FILIP1: variants seen among roughly 807,000 people sequenced by gnomAD.
The protein encoded by FILIP1 is filamin-A-interacting protein 1.
In FILIP1, 61 loss-of-function variants were observed where a neutral mutation model predicts 102.1. That is an observed-to-expected ratio of 0.60 (90% CI 0.49 to 0.74). FILIP1 has a LOEUF of 0.74. Ranked by LOEUF, FILIP1 falls within the 30% of genes least tolerant of loss-of-function variation. The pLI, the probability that FILIP1 is intolerant of heterozygous loss-of-function variation, is 0.00. For synonymous variants in FILIP1, 491 were observed against 526.9 expected, an observed-to-expected ratio of 0.93 and a Z score of 0.93; for missense variants, 1,314 against 1,441.2, an observed-to-expected ratio of 0.91 and a Z score of 1.43.
intron 2 of FILIP1, among the ~76,000 whole-genome samples, chr6:75,364,993 G>GA (rs1393983078): frequency 6.6e-6 from 1 of 152,142 alleles, no homozygotes; most frequent in Non-Finnish European, 1.5e-5. Context: ...GTAATGACAG[G>GA]AAAGGAAAAT....
In FILIP1 at chr6:75,308,653, A is replaced by T; in HGVS notation, c.*38T>A. ...GATGAAGGTTCACTTTCACGGCAGC[A>T]GTAGCATCTGCACAACATACCCCCT... On this transcript the variant is annotated 3_prime_UTR_variant, in exon 6 of 6. Transcript: ENST00000237172. 3 of 1,608,394 alleles carry T rather than the reference A, an allele frequency of 1.9e-6. No homozygotes were observed. Among genetic ancestry groups the T allele is most frequent in the Non-Finnish European group, 2.5e-6 (3 of 1,177,082 alleles).
Position 75,342,363 on chromosome 6 carries a change from C to G in FILIP1, c.629+11176G>C, listed in dbSNP as rs117260365. On this transcript the variant is annotated intron_variant, in intron 4 of 5. Coordinates refer to ENST00000237172, the MANE Select transcript of FILIP1 (RefSeq NM_015687.5). ...GCATTATTTCTCCTCAGCACACATA[C>G]AGATTATTTTATCCATGGAGTGGTA... is the stretch of plus-strand genomic sequence containing the variant. 4.2e-3 allele frequency among the ~76,000 whole-genome samples: 637 copies of G among 152,346 alleles called. 3 individuals are homozygous for G. The highest frequency in any genetic ancestry group is 6.5e-3 in the Admixed American group (100 of 15,300).
In FILIP1 at chr6:75,410,567, G is replaced by C. The variant is rs537614628; in HGVS notation, c.276+4130C>G. Among the ~76,000 whole-genome samples the C allele has an allele frequency of 9.2e-4, 140 of 152,074 alleles. 1 individual carries two copies. Among genetic ancestry groups the C allele is most frequent in the African/African-American group, 3.4e-3 (140 of 41,460 alleles). On this transcript the variant is annotated intron_variant, in intron 2 of 5. Transcript: ENST00000237172. The stretch of plus-strand genomic sequence containing the variant: ...TTCCCTTGCCCTGCAACCTCTGACA[G>C]GCCCCAGTGTGTGATGTTCCCCTCG...
intron 1 of FILIP1, among the ~76,000 whole-genome samples, chr6:75,445,971 A>G (rs1395099720): frequency 1.3e-5 from 2 of 152,124 alleles, no homozygotes; most frequent in Non-Finnish European, 2.9e-5. Context: ...TATTTATAGG[A>G]CATTTGTAAC....
In FILIP1 at chr6:75,428,468, A is replaced by AT. The variant is rs377524242; in HGVS notation, c.-6-13491dup. ...TGTGAGACTGGGGTGGGGCCTGAGA[A>AT]TTTGCATTTCTCACAAGTTTCTAGG... On this transcript the variant is annotated intron_variant, in intron 1 of 5. Coordinates refer to ENST00000237172, the MANE Select transcript of FILIP1 (RefSeq NM_015687.5). 728 of 154,372 alleles carry AT rather than the reference A, an allele frequency of 4.7e-3. 4 individuals are homozygous for AT. Among genetic ancestry groups the AT allele is most frequent in the Non-Finnish European group, 7.6e-3 (519 of 68,174 alleles). The allele number at this position is 154,372 out of a possible 1,614,324, so 9.6% of individuals were successfully genotyped here. A position where few individuals can be genotyped will look rare whatever the true frequency, so the allele number is the denominator to read the frequency against.
chr6:75,420,319 A>C (rs1777413864), intron 1 of FILIP1, among the ~76,000 whole-genome samples: 1 of 152,084 alleles, frequency 6.6e-6, no homozygotes, highest in Non-Finnish European at 1.5e-5. Context: ...TAACAAGAGA[A>C]TAGATCAGGG....
rs1351869401 is a variant in FILIP1, at chr6:75,314,848, A to G, written c.984T>C (p.Asn328=). The change falls in exon 5 of 6, where the codon AAT becomes AAC. Residue 328 remains asparagine (N), a synonymous_variant. Transcript: ENST00000237172. ...CAACCAGCTTGAGTCTAAGTTGCCTATTGTGAGACTCTTGATTAGCCAGTT... is the reference window on the plus strand; with the variant it reads ...CAACCAGCTTGAGTCTAAGTTGCCTGTTGTGAGACTCTTGATTAGCCAGTT... ...NAKLANQESH[N]RQLRLKLVGL... The G allele has an allele frequency of 6.2e-7, 1 of 1,614,070 alleles. No homozygotes were observed. Among genetic ancestry groups the G allele is most frequent in the Non-Finnish European group, 8.5e-7 (1 of 1,180,004 alleles).
rs745952748 is a variant in FILIP1 at position 75,312,972 on chromosome 6, T to C, written c.2860A>G (p.Ile954Val). 1.9e-6 allele frequency: 3 copies of C among 1,614,164 alleles called. No homozygotes were observed. The highest frequency in any genetic ancestry group is 1.7e-4 in the Middle Eastern group (1 of 6,060). The change falls in exon 5 of 6, where the codon ATT becomes GTT. Residue 954 changes from isoleucine (I) to valine (V), a missense_variant. Ile to Val is a conservative substitution (Grantham distance 29, BLOSUM62 3). Coordinates refer to ENST00000237172, the MANE Select transcript of FILIP1 (RefSeq NM_015687.5). ...TLGNQKPRIT[I>V]IPSPNVMPQK... ...GGCATAACGTTTGGTGATGGAATAATGGTTATTCTTGGTTTCTGATTCCCT... is the reference window on the plus strand; with the variant it reads ...GGCATAACGTTTGGTGATGGAATAACGGTTATTCTTGGTTTCTGATTCCCT...
intron 1 of FILIP1, among the ~76,000 whole-genome samples, chr6:75,439,378 G>C (rs1778130254): frequency 6.6e-6 from 1 of 151,810 alleles, no homozygotes. Flanking sequence ...AAAAAAAAAA[G>C]GTTAAATGGA....
intron 1 of FILIP1, among the ~76,000 whole-genome samples, chr6:75,425,984 C>T (rs1162080224): frequency 1.3e-5 from 2 of 152,154 alleles, no homozygotes; most frequent in African/African-American, 4.8e-5. Flanking sequence ...AAGAGGCAGA[C>T]ATTAAATATT....
At chr6:75,345,775 T>A (rs960385589) in intron 4 of FILIP1, among the ~76,000 whole-genome samples, 9 of 152,148 alleles carry the variant, frequency 5.9e-5, no homozygotes, top group African/African-American at 2.2e-4. Context: ...CCTCTCTCCT[T>A]TCTTCTGCCT....
chr6:75,380,591 A>G (rs774095684), intron 2 of FILIP1, among the ~76,000 whole-genome samples: 2 of 152,190 alleles, frequency 1.3e-5, no homozygotes, highest in Non-Finnish European at 2.9e-5. Context: ...AAAAACATTT[A>G]TACCCTTTAA....
Position 75,403,524 on chromosome 6 carries a change from A to AAAAGAAAAG in FILIP1, c.276+11172_276+11173insCTTTTCTTT, listed in dbSNP as rs1554208657. ...CAAGACTCTGTCCCACAAAAAAAAA[A>AAAAGAAAAG]AAAAAAGAAAAAGAAAAAGAAATAT... On this transcript the variant is annotated intron_variant, in intron 2 of 5. Coordinates refer to ENST00000237172, the MANE Select transcript of FILIP1 (RefSeq NM_015687.5). Among the ~76,000 whole-genome samples, 693 of 134,746 alleles carry AAAAGAAAAG rather than the reference A, an allele frequency of 5.1e-3. 15 individuals are homozygous for AAAAGAAAAG. Among genetic ancestry groups the AAAAGAAAAG allele is most frequent in the African/African-American group, 0.019 (657 of 35,294 alleles). The allele number at this position is 134,746 out of a possible 152,430, so 88.4% of individuals were successfully genotyped here.
chr6:75,309,235 G>A (rs1773097322), intron 5 of FILIP1, among the ~76,000 whole-genome samples: 1 of 152,070 alleles, frequency 6.6e-6, no homozygotes, highest in African/African-American at 2.4e-5. Context: ...TACTCCTACT[G>A]CTCCCTAAAT....
chr6:75,432,698 A>G (rs1454321622), intron 1 of FILIP1, among the ~76,000 whole-genome samples: 1 of 151,932 alleles, frequency 6.6e-6, no homozygotes, highest in Non-Finnish European at 1.5e-5. Flanking sequence ...TTTTTTTATT[A>G]TACTTTAAGT....
At chr6:75,321,110 GT>G (rs1228322453) in intron 4 of FILIP1, among the ~76,000 whole-genome samples, 1 of 151,956 alleles carries the variant, frequency 6.6e-6, no homozygotes, top group African/African-American at 2.4e-5. Flanking sequence ...ATCTTACTAT[GT>G]TGTTCAGGCT....
intron 1 of FILIP1, among the ~76,000 whole-genome samples, chr6:75,431,863 C>T (rs2951931): frequency 0.047 from 7,169 of 152,206 alleles, 547 homozygotes; most frequent in African/African-American, 0.16. Context: ...AAATCAAAAC[C>T]TCAAAAGATA....
chr6:75,304,363 C>T (rs1258582028), downstream of FILIP1, among the ~76,000 whole-genome samples: 1 of 152,068 alleles, frequency 6.6e-6, no homozygotes, highest in Non-Finnish European at 1.5e-5. Context: ...AGGGATGCAC[C>T]ACCATGCCCA....
Position 75,361,061 on chromosome 6 carries a change from CCTCT to C in FILIP1, c.450+1679_450+1682del, listed in dbSNP as rs370528868. 134 of 152,204 alleles carry C rather than the reference CCTCT, an allele frequency of 8.8e-4. 1 individual carries two copies. The highest frequency in any genetic ancestry group is 3.1e-3 in the African/African-American group (130 of 41,524). 9.4% of individuals were successfully genotyped at this position (152,204 alleles called of 1,614,324 possible). A position where few individuals can be genotyped will look rare whatever the true frequency, so the allele number is the denominator to read the frequency against. ...CAGTATCAGGAAAAGTATTTTCTGCCCTCTCTCTCTGCCTTCTCACTCACTTCTC... is the reference window on the plus strand; with the variant it reads ...CAGTATCAGGAAAAGTATTTTCTGCCCTCTCTGCCTTCTCACTCACTTCTC... On this transcript the variant is annotated intron_variant, in intron 3 of 5. Coordinates refer to ENST00000237172, the MANE Select transcript of FILIP1 (RefSeq NM_015687.5).
Sources: gnomAD v4.1 joint callset for allele counts (sites outside exome capture counted in the v4.1 genomes callset) on GRCh38, gnomAD v4.1.1 for gene constraint, MANE v1.5 for transcripts, NCBI Gene and HGNC (gene_info 2026-07-23, HGNC 2026-07-21) for gene names.